Variants in ATP2B1 observed in about 807,000 individuals in gnomAD.
The protein encoded by ATP2B1 is plasma membrane calcium-transporting ATPase 1.
ATP2B1 carries 14 observed loss-of-function variants against 124.2 expected under a neutral mutation model. That is an observed-to-expected ratio of 0.11 (90% confidence interval 0.07 to 0.18). The LOEUF (loss-of-function observed/expected upper bound fraction) is 0.18. Ranked by LOEUF, ATP2B1 falls within the 10% of genes least tolerant of loss-of-function variation. The probability of loss-of-function intolerance (pLI) is 1.00; values close to 1 mark genes in which losing one functional copy is unlikely to be tolerated. For synonymous variants in ATP2B1, 449 were observed against 492.4 expected (o/e 0.91, Z 1.17); for missense variants, 763 against 1,466.1 (o/e 0.52, Z 7.83).
At chr12:89,707,651 TA>T (rs929897475) in intron 1 of ATP2B1, among the ~76,000 whole-genome samples, 3 of 152,094 alleles carry the variant, frequency 2.0e-5, no homozygotes, top group Non-Finnish European at 4.4e-5. Flanking sequence ...CAGACCCCTT[TA>T]ACCCACCCGG....
chr12:89,700,216 C>A (rs200640767), intron 1 of ATP2B1, among the ~76,000 whole-genome samples: 1 of 151,976 alleles, frequency 6.6e-6, no homozygotes, highest in Non-Finnish European at 1.5e-5. Flanking sequence ...GGTTGACTGA[C>A]GAATCCTTGT....
At chr12:89,607,887 GAT>G (rs1464742964) in intron 15 of ATP2B1, among the ~76,000 whole-genome samples, 1 of 152,006 alleles carries the variant, frequency 6.6e-6, no homozygotes, top group Non-Finnish European at 1.5e-5. Context: ...AGAATCCATG[GAT>G]ACAAAGGGCC....
At chr12:89,598,039 C>CAAAAAAAAAAAAAAAAAAAAAAAAA (rs10661138) in intron 20 of ATP2B1, among the ~76,000 whole-genome samples, 1 of 60,526 alleles carries the variant, frequency 1.7e-5, no homozygotes, top group East Asian at 6.1e-4. Flanking sequence ...CACAACCAAG[C>CAAAAAAAAAAAAAAAAAAAAAAAAA]AAAAAAAAAA....
intron 1 of ATP2B1, among the ~76,000 whole-genome samples, chr12:89,704,561 G>T (rs1024026819): frequency 2.2e-4 from 33 of 151,990 alleles, no homozygotes; most frequent in African/African-American, 8.0e-4. Flanking sequence ...GGCTAAAAAA[G>T]CTGCTAGCTA....
At chr12:89,652,092 C>T (rs190844370) in intron 2 of ATP2B1, among the ~76,000 whole-genome samples, 3 of 152,196 alleles carry the variant, frequency 2.0e-5, no homozygotes, top group Admixed American at 1.3e-4. Context: ...AAACATGTAT[C>T]GCCAACACAC....
rs200678491 is a variant in ATP2B1, at chr12:89,646,744, C to G, written c.209-4389G>C. ...GACAGTGGGAATGAGCAAGTGGCAA[C>G]AGTAAGCATAGCTAACTTTTTCCAA... On this transcript the variant is annotated intron_variant, in intron 2 of 20. Transcript: ENST00000428670. Among the ~76,000 whole-genome samples the G allele has an allele frequency of 2.6e-5, 4 of 152,232 alleles. No homozygotes were observed. The East Asian group carries it at 7.7e-4, about 29-fold the overall frequency.
intron 2 of ATP2B1, among the ~76,000 whole-genome samples, chr12:89,649,281 T>C (rs1884923778): frequency 6.6e-6 from 1 of 152,198 alleles, no homozygotes; most frequent in Non-Finnish European, 1.5e-5. Context: ...AACCTAAGAG[T>C]AGCCACAGGG....
intron 1 of ATP2B1, among the ~76,000 whole-genome samples, chr12:89,701,460 C>T (rs1309513636): frequency 6.6e-6 from 1 of 151,928 alleles, no homozygotes. Context: ...TTTTTTTTGG[C>T]ATATTGGTTT....
intron 1 of ATP2B1, among the ~76,000 whole-genome samples, chr12:89,685,619 G>A (rs957356985): frequency 1.3e-5 from 2 of 152,094 alleles, no homozygotes; most frequent in Non-Finnish European, 2.9e-5. Context: ...AGCCTTCCAA[G>A]TGATTCTGGT....
chr12:89,597,175 G>A (rs1205356770), intron 20 of ATP2B1, among the ~76,000 whole-genome samples: 1 of 152,128 alleles, frequency 6.6e-6, no homozygotes, highest in Non-Finnish European at 1.5e-5. Flanking sequence ...GGGCTAGGTG[G>A]TAAGGAGCAC....
intron 19 of ATP2B1, among the ~76,000 whole-genome samples, chr12:89,601,015 G>A (rs552399567): frequency 1.3e-5 from 2 of 151,932 alleles, no homozygotes; most frequent in Non-Finnish European, 2.9e-5. Flanking sequence ...TAGAGTAAAA[G>A]ATACAGATAT....
intron 2 of ATP2B1, among the ~76,000 whole-genome samples, chr12:89,653,279 TTTTC>T (rs1425852839): frequency 1.5e-4 from 20 of 129,440 alleles, no homozygotes; most frequent in African/African-American, 3.6e-4. Flanking sequence ...CATAGAATTT[TTTTC>T]TTTTTTTTTT....
At chr12:89,668,615 A>T (rs1887574620) in intron 1 of ATP2B1, among the ~76,000 whole-genome samples, 2 of 152,208 alleles carry the variant, frequency 1.3e-5, no homozygotes, top group African/African-American at 4.8e-5. Context: ...TGAATGAACC[A>T]GGGAGATAAT....
At chr12:89,636,942 G>A (rs1412517980) in intron 3 of ATP2B1, among the ~76,000 whole-genome samples, 1 of 152,220 alleles carries the variant, frequency 6.6e-6, no homozygotes, top group Non-Finnish European at 1.5e-5. Context: ...AGTCAAGGCT[G>A]TAAGAATGAC....
intron 5 of ATP2B1, among the ~76,000 whole-genome samples, chr12:89,631,878 C>T (rs1208761908): frequency 6.6e-6 from 1 of 151,658 alleles, no homozygotes; most frequent in Non-Finnish European, 1.5e-5. Context: ...AATTGTCTCC[C>T]GTCTTAGCCC....
chr12:89,606,908 A>G (rs1448938740), intron 15 of ATP2B1, among the ~76,000 whole-genome samples: 1 of 152,048 alleles, frequency 6.6e-6, no homozygotes, highest in East Asian at 1.9e-4. Flanking sequence ...CTTAAACTCA[A>G]TGGGATTTCT....
chr12:89,601,453 T>G lies in ATP2B1; in HGVS notation c.3061-20A>C, dbSNP rs778954138. 4 of 1,427,232 alleles carry G rather than the reference T, an allele frequency of 2.8e-6. No individual in the cohort carries two copies. Among genetic ancestry groups the G allele is most frequent in the Middle Eastern group, 1.8e-4 (1 of 5,526 alleles). 88.4% of individuals were successfully genotyped at this position (1,427,232 alleles called of 1,614,324 possible). On this transcript the variant is annotated intron_variant, in intron 18 of 20. Transcript: ENST00000428670. The stretch of plus-strand genomic sequence containing the variant: ...TATTATCTGGAGGAATAATCAAGAG[T>G]AAATTTACTTAAATCTTAAATTTTA...
chr12:89,669,496 G>A (rs993476215), intron 1 of ATP2B1, among the ~76,000 whole-genome samples: 5 of 152,072 alleles, frequency 3.3e-5, no homozygotes, highest in African/African-American at 7.2e-5. Context: ...GCACTTTCTC[G>A]TACTAGCTGC....
intron 5 of ATP2B1, among the ~76,000 whole-genome samples, chr12:89,631,571 C>A (rs186932490): frequency 2.0e-5 from 3 of 152,164 alleles, no homozygotes; most frequent in Non-Finnish European, 4.4e-5. Context: ...TCATCATATA[C>A]TTCTCATGGC....
Sources: allele counts gnomAD v4.1 joint callset (sites outside exome capture counted in the v4.1 genomes callset), GRCh38; gene constraint gnomAD v4.1.1; transcripts MANE v1.5; gene names NCBI Gene and HGNC (gene_info 2026-07-23, HGNC 2026-07-21).